DSC1: variants seen among roughly 807,000 people sequenced by gnomAD.
DSC1 encodes the protein desmocollin 1.
Under a neutral mutation model 98.8 loss-of-function variants are expected in DSC1, and 79 were observed. That is an observed-to-expected ratio of 0.80 (90% confidence interval 0.67 to 0.96). The LOEUF is 0.96. DSC1 is among the 50% of genes least tolerant of loss of function. The pLI is 0.00. For missense variants in DSC1, 1,115 were observed against 1,075.9 expected (o/e 1.04, Z -0.51); for synonymous variants, 405 against 372.1 (o/e 1.09, Z -1.02).
chr18:31,135,163 C>T (rs889107844), intron 11 of DSC1, among the ~76,000 whole-genome samples: 2 of 152,152 alleles, frequency 1.3e-5, no homozygotes, highest in Admixed American at 6.6e-5. Flanking sequence ...TTCTCCATTG[C>T]ATCATATACT....
At position 31,134,650 on chromosome 18, in the gene DSC1, C is replaced by T. The variant is rs1022198840; in HGVS notation, c.1798G>A (p.Gly600Arg). ...TGAAAAGGTGGTCCATTTTCAGGTC[C>T]ATCTGGATCTACAGGTTTCAGAACA... Reference protein sequence around the residue: ...FAVLKPVDPDGPENGPPFQFF... With the variant: ...FAVLKPVDPDRPENGPPFQFF... Residue 600 changes from glycine (G) to arginine (R), a missense_variant, in exon 12 of 16, where the codon GGA (glycine) becomes AGA (arginine). Coordinates refer to ENST00000257198, the MANE Select transcript of DSC1 (RefSeq NM_024421.2). 2 of 1,612,738 alleles carry T rather than the reference C, an allele frequency of 1.2e-6. No homozygotes were observed. The highest frequency in any genetic ancestry group is 2.7e-5 in the African/African-American group (2 of 74,794).
chr18:31,157,412 G>A lies in DSC1; in HGVS notation c.310C>T (p.Gln104Ter). ...IFLSDGQRRE[Q>*]QEIKVVLSAR... is the part of the protein sequence containing the mutation. ...GACAGTACAACTTTTATCTCTTGTTGTTCCCGTCTCTGACCATCTGAAAGG... is the reference window on the plus strand; with the variant it reads ...GACAGTACAACTTTTATCTCTTGTTATTCCCGTCTCTGACCATCTGAAAGG... Residue 104 changes from glutamine (Q) to a stop codon, truncating the protein, a stop_gained, in exon 3 of 16, where the codon CAA becomes TAA. Coordinates refer to ENST00000257198, the MANE Select transcript of DSC1 (RefSeq NM_024421.2). LOFTEE classifies it high-confidence loss of function. 1.2e-6 allele frequency: 2 copies of A among 1,614,088 alleles called. No homozygotes were observed. Among genetic ancestry groups the A allele is most frequent in the East Asian group, 4.5e-5 (2 of 44,876 alleles).
chr18:31,140,081 T>C lies in DSC1; in HGVS notation c.1481A>G (p.Lys494Arg). Residue 494 changes from lysine (K) to arginine (R), a missense_variant, in exon 10 of 16, where the codon AAA (lysine) becomes AGA (arginine). Coordinates refer to ENST00000257198, the MANE Select transcript of DSC1 (RefSeq NM_024421.2). Reference sequence around the variant, plus strand: ...ACTGGATATTTCCGGGTCCAGTGCTTTGTATCCAAGGAGTTCTTGGCCAGC... The same window carrying C: ...ACTGGATATTTCCGGGTCCAGTGCTCTGTATCCAAGGAGTTCTTGGCCAGC... ...FPAGQELLGY[K>R]ALDPEISSGE... 6.2e-7 allele frequency: 1 copy of C among 1,614,068 alleles called. No homozygotes were observed.
chr18:31,153,228 T>G (rs1208398800), intron 5 of DSC1, among the ~76,000 whole-genome samples: 1 of 152,062 alleles, frequency 6.6e-6, no homozygotes, highest in African/African-American at 2.4e-5. Flanking sequence ...AAATTGAAAA[T>G]GAAGTGAATA....
chr18:31,131,347 T>G, intron 15 of DSC1: 1 of 510,586 alleles, frequency 2.0e-6, no homozygotes, highest in Non-Finnish European at 3.4e-6. Flanking sequence ...TATGAACCTT[T>G]TATCCTTTGT....
At chr18:31,141,568 T>G (rs954937016) in intron 9 of DSC1, among the ~76,000 whole-genome samples, 2 of 152,198 alleles carry the variant, frequency 1.3e-5, no homozygotes, top group East Asian at 3.9e-4. Flanking sequence ...TTCAATAGTC[T>G]CTTTTACAGA....
intron 4 of DSC1, among the ~76,000 whole-genome samples, chr18:31,155,255 T>C (rs1362605660): frequency 6.6e-6 from 1 of 152,226 alleles, no homozygotes; most frequent in Non-Finnish European, 1.5e-5. Flanking sequence ...TCCGTGATTT[T>C]GAATTCTTTG....
Position 31,159,458 on chromosome 18 carries a change from T to G in DSC1, c.135A>C (p.Thr45=), listed in dbSNP as rs141456300. 3.8e-4 allele frequency: 609 copies of G among 1,613,096 alleles called. No homozygotes were observed. The highest frequency in any genetic ancestry group is 5.0e-4 in the Non-Finnish European group (585 of 1,179,750). Residue 45 remains threonine (T), a synonymous_variant, in exon 2 of 16, where the codon ACA becomes ACC. Transcript: ENST00000257198. ...AGTGTTTCTCACCTTTGCCTACAAG[T>G]GTTTCAGCCTGAAGATGAGAAGGAA... is the stretch of plus-strand genomic sequence containing the variant. The part of the protein sequence containing the change: ...LRVPSHLQAE[T]LVGKVNLEEC...
At chr18:31,156,565 C>T (rs1458096614) in intron 3 of DSC1, among the ~76,000 whole-genome samples, 1 of 152,156 alleles carries the variant, frequency 6.6e-6, no homozygotes, top group African/African-American at 2.4e-5. Flanking sequence ...CACAGGTCAG[C>T]ATTTGCTCAA....
At chr18:31,135,917 G>A (rs1405162194) in intron 11 of DSC1, among the ~76,000 whole-genome samples, 1 of 152,030 alleles carries the variant, frequency 6.6e-6, no homozygotes, top group Non-Finnish European at 1.5e-5. Context: ...TAACTCCCAT[G>A]CAAATATAAT....
At chr18:31,155,126 C>T (rs886357507) in intron 4 of DSC1, among the ~76,000 whole-genome samples, 197 bp from the exon 5 acceptor site, 7 of 152,154 alleles carry the variant, frequency 4.6e-5, no homozygotes, top group African/African-American at 1.7e-4. Context: ...GCCACAAATT[C>T]TGTCACTTAT....
In DSC1 at chr18:31,148,557, T is replaced by A; in HGVS notation, c.713A>T (p.Asn238Ile). 1.2e-6 allele frequency: 2 copies of A among 1,612,418 alleles called. No individual in the cohort carries two copies. Among genetic ancestry groups the A allele is most frequent in the Non-Finnish European group, 1.7e-6 (2 of 1,178,784 alleles). Reference protein sequence around the residue: ...LIIKIEDDNDNAPYFEHRVTI... With the variant: ...LIIKIEDDNDIAPYFEHRVTI... Reference sequence around the variant, plus strand: ...CACTCTGTGTTCAAAATATGGGGCGTTATCATTATCATCTTCAATTTTGAT... The same window carrying A: ...CACTCTGTGTTCAAAATATGGGGCGATATCATTATCATCTTCAATTTTGAT... Residue 238 changes from asparagine to isoleucine, a missense_variant, in exon 6 of 16, where the codon AAC becomes ATC. Coordinates refer to ENST00000257198, the MANE Select transcript of DSC1 (RefSeq NM_024421.2).
intron 1 of DSC1, among the ~76,000 whole-genome samples, chr18:31,160,615 T>C (rs932438256): frequency 6.6e-6 from 1 of 152,202 alleles, no homozygotes; most frequent in African/African-American, 2.4e-5. Flanking sequence ...CATTTTTATT[T>C]AGTCCTAATT....
At chr18:31,142,471 C>G (rs1988758058) in intron 8 of DSC1, among the ~76,000 whole-genome samples, 2 of 152,068 alleles carry the variant, frequency 1.3e-5, no homozygotes, top group Non-Finnish European at 2.9e-5. Flanking sequence ...TTCTCTGCAC[C>G]TCTACAATAT....
At chr18:31,156,737 C>T (rs948120163) in intron 3 of DSC1, among the ~76,000 whole-genome samples, 8 of 152,190 alleles carry the variant, frequency 5.3e-5, no homozygotes, top group Admixed American at 2.6e-4. Context: ...TTTTATAAGA[C>T]GAAATTCATT....
intron 7 of DSC1, among the ~76,000 whole-genome samples, chr18:31,144,295 T>A (rs1235743722): frequency 6.6e-6 from 1 of 152,166 alleles, no homozygotes. Flanking sequence ...GGAAAGGTGA[T>A]GTGTCTAATG....
chr18:31,134,025 G>A lies in DSC1; in HGVS notation c.1982C>T (p.Thr661Ile), dbSNP rs753624084. 6.2e-7 allele frequency: 1 copy of A among 1,612,998 alleles called. No homozygotes were observed. The highest frequency in any genetic ancestry group is 8.5e-7 in the Non-Finnish European group (1 of 1,179,624). Residue 661 changes from threonine to isoleucine, a missense_variant, in exon 13 of 16, where the codon ACA (threonine) becomes ATA (isoleucine). Physicochemically the swap from Thr to Ile is moderately conservative, Grantham distance 89. Coordinates refer to ENST00000257198, the MANE Select transcript of DSC1 (RefSeq NM_024421.2). ...AGTTGAACAGTCACATACTCTCACT[G>A]TTAACATATGTGTTGCAACTAAACC... is the stretch of plus-strand genomic sequence containing the variant. ...RHGLVATHML[T>I]VRVCDCSTPS...
Position 31,159,532 on chromosome 18 carries a change from CAAAA to C in DSC1, c.64-7_64-4del. 7.1e-7 allele frequency: 1 copy of C among 1,408,454 alleles called. No individual in the cohort carries two copies. The highest frequency in any genetic ancestry group is 2.5e-5 in the Admixed American group (1 of 40,618). 87.2% of individuals were successfully genotyped at this position (1,408,454 alleles called of 1,614,324 possible). A position where few individuals can be genotyped will look rare whatever the true frequency, so the allele number is the denominator to read the frequency against. On this transcript the variant is annotated splice_region_variant and splice_polypyrimidine_tract_variant and intron_variant, in intron 1 of 15. Coordinates refer to ENST00000257198, the MANE Select transcript of DSC1 (RefSeq NM_024421.2). ...GCATCGCAAAGTAATGTTAAAACCT[CAAAA>C]AAAAAAAAAGAAAAAATATCAGGAA...
intron 4 of DSC1, among the ~76,000 whole-genome samples, chr18:31,155,616 T>C (rs550807510): frequency 6.6e-6 from 1 of 152,268 alleles, no homozygotes; most frequent in Non-Finnish European, 1.5e-5. Flanking sequence ...TCAAAACTGT[T>C]CTATGTTTGC....
Sources: gnomAD v4.1 joint callset for allele counts (sites outside exome capture counted in the v4.1 genomes callset) on GRCh38, gnomAD v4.1.1 for gene constraint, MANE v1.5 for transcripts, NCBI Gene and HGNC (gene_info 2026-07-23, HGNC 2026-07-21) for gene names.